REST: variants seen among roughly 807,000 people sequenced by gnomAD.
The protein encoded by REST is RE1-silencing transcription factor.
A neutral mutation model predicts 30.4 loss-of-function variants in REST; 1 was observed. The observed-to-expected ratio is 0.03, with a 90% CI of 0.01 to 0.16. The LOEUF (loss-of-function observed/expected upper bound fraction) is 0.16. Ranked by LOEUF, REST falls within the 10% of genes least tolerant of loss-of-function variation. The probability of loss-of-function intolerance (pLI) is 1.00; values close to 1 mark genes in which losing one functional copy is unlikely to be tolerated. For missense variants in REST, 1,259 were observed against 1,329.5 expected, an observed-to-expected ratio of 0.95 and a Z score of 0.82; for synonymous variants, 504 against 451.1, an observed-to-expected ratio of 1.12 and a Z score of -1.49.
chr4:56,923,514 G>A (rs1275908250), intron 3 of REST, among the ~76,000 whole-genome samples: 1 of 151,968 alleles, frequency 6.6e-6, no homozygotes, highest in Non-Finnish European at 1.5e-5. Flanking sequence ...TGCGATCTCG[G>A]CTCACTGCAA....
intron 2 of REST, among the ~76,000 whole-genome samples, chr4:56,916,796 A>G (rs1197164256): frequency 6.6e-6 from 1 of 152,262 alleles, no homozygotes; most frequent in African/African-American, 2.4e-5. Flanking sequence ...GTGGAATCAT[A>G]ATAAGCAGTC....
At position 56,919,797 on chromosome 4, in the gene REST, A is replaced by G. The variant is rs1720367663; in HGVS notation, c.909A>G (p.Pro303=). Residue 303 remains proline, a synonymous_variant, in exon 3 of 4, where the codon CCA becomes CCG. Transcript: ENST00000309042. ...ATTGAAATTTTGCAGGAGAACGCCC[A>G]TATAAATGTGAACTTTGTCCTTACT... is the stretch of plus-strand genomic sequence containing the variant. ...QHVRTHTGER[P]YKCELCPYSS... 1 of 1,605,196 alleles carries G rather than the reference A, an allele frequency of 6.2e-7. No individual in the cohort carries two copies. The highest frequency in any genetic ancestry group is 8.5e-7 in the Non-Finnish European group (1 of 1,173,420).
chr4:56,923,923 A>G lies in REST; in HGVS notation c.982+4053A>G, dbSNP rs1364689557. ...TTTTTAGTAGAGACGGGGTTTCACC[A>G]TGTTAGCCAGGATAGTCTTGATCTC... On this transcript the variant is annotated intron_variant, in intron 3 of 3. Transcript: ENST00000309042. Among the ~76,000 whole-genome samples the G allele has an allele frequency of 9.9e-5, 15 of 151,544 alleles. No homozygotes were observed. In the East Asian group the frequency reaches 2.6e-3, roughly 26 times the overall value.
rs1343175068 is a variant in REST at position 56,935,149 on chromosome 4, C to G, written c.*2997C>G. The G allele has an allele frequency of 1.3e-5, 2 of 151,986 alleles. No individual in the cohort carries two copies. Among genetic ancestry groups the G allele is most frequent in the Non-Finnish European group, 2.9e-5 (2 of 67,998 alleles). The allele number at this position is 151,986 out of a possible 1,614,324, so 9.4% of individuals were successfully genotyped here. ...TTGGAGACTGTTTTGCGTATGAGTGCTGATACAAATTAAAACCCAAGTAGA... is the reference window on the plus strand; with the variant it reads ...TTGGAGACTGTTTTGCGTATGAGTGGTGATACAAATTAAAACCCAAGTAGA... On this transcript the variant is annotated 3_prime_UTR_variant, in exon 4 of 4. Transcript: ENST00000309042.
chr4:56,917,184 A>G (rs1203825346), intron 2 of REST, among the ~76,000 whole-genome samples: 1 of 152,208 alleles, frequency 6.6e-6, no homozygotes, highest in Non-Finnish European at 1.5e-5. Flanking sequence ...CCATTAACAT[A>G]AAACTATCTT....
At chr4:56,920,116 C>A (rs1327458108) in intron 3 of REST, 1 of 298,466 alleles carries the variant, frequency 3.4e-6, no homozygotes, top group Admixed American at 4.5e-5. Flanking sequence ...CTCATCAAAT[C>A]TTTGAAGCGT....
intron 3 of REST, among the ~76,000 whole-genome samples, chr4:56,928,472 G>GT (rs1720809343): frequency 6.6e-6 from 1 of 151,878 alleles, no homozygotes; most frequent in Admixed American, 6.6e-5. Context: ...TTGGAGTACA[G>GT]TAACACATTC....
At chr4:56,922,718 A>T (rs1277235694) in intron 3 of REST, among the ~76,000 whole-genome samples, 1 of 152,204 alleles carries the variant, frequency 6.6e-6, no homozygotes, top group Non-Finnish European at 1.5e-5. Context: ...CATTGAAAAA[A>T]ATACGACCTT....
chr4:56,931,829 G>A lies in REST; in HGVS notation c.2971G>A (p.Ala991Thr). The A allele has an allele frequency of 6.2e-7, 1 of 1,614,196 alleles. No homozygotes were observed. The highest frequency in any genetic ancestry group is 8.5e-7 in the Non-Finnish European group (1 of 1,180,038). ...TGAAGCAGTGTCCAAAACTGCACTGGCATCACCTCCTGCTACAATGGCAGC... is the reference window on the plus strand; with the variant it reads ...TGAAGCAGTGTCCAAAACTGCACTGACATCACCTCCTGCTACAATGGCAGC... ...EREAVSKTALASPPATMAANE... is the reference protein window; with the variant it reads ...EREAVSKTALTSPPATMAANE... The change falls in exon 4 of 4, where the codon GCA becomes ACA. Residue 991 changes from alanine (A) to threonine (T), a missense_variant. By Grantham distance (58) the Ala-to-Thr change is moderately conservative. Around this residue, in one of 5 missense-constraint regions of REST, gnomAD observed 856 missense variants for 772.8 expected, o/e 1.11. Coordinates refer to ENST00000309042, the MANE Select transcript of REST (RefSeq NM_005612.5).
At chr4:56,910,600 T>C (rs986012771) in intron 1 of REST, 30 bp from the exon 2 acceptor site, 25 of 1,547,346 alleles carry the variant, frequency 1.6e-5, no homozygotes, top group Non-Finnish European at 2.1e-5. Flanking sequence ...TTTAAACTGG[T>C]GCTCTTGTTT....
rs1560451582 is a variant in REST at position 56,930,339 on chromosome 4, A to C, written c.1481A>C (p.Lys494Thr). ...ATCCAGGTGACTACCAGAACTCGAA[A>C]ATCAGTAACAGAGGTGAAAGAGATG... Reference protein sequence around the residue: ...SVIQVTTRTRKSVTEVKEMDV... With the variant: ...SVIQVTTRTRTSVTEVKEMDV... The change falls in exon 4 of 4, where the codon AAA (lysine) becomes ACA (threonine). Residue 494 changes from lysine (K) to threonine (T), a missense_variant. Physicochemically the swap from Lys to Thr is moderately conservative, Grantham distance 78. Around this residue, in one of 5 missense-constraint regions of REST, gnomAD observed 856 missense variants for 772.8 expected, o/e 1.11. Coordinates refer to ENST00000309042, the MANE Select transcript of REST (RefSeq NM_005612.5). The C allele has an allele frequency of 6.2e-7, 1 of 1,614,138 alleles. No homozygotes were observed. Among genetic ancestry groups the C allele is most frequent in the East Asian group, 2.2e-5 (1 of 44,870 alleles).
At chr4:56,927,583 C>T (rs998342506) in intron 3 of REST, 1 of 940,430 alleles carries the variant, frequency 1.1e-6, no homozygotes, top group Non-Finnish European at 1.3e-6. Flanking sequence ...ATGTCAATTT[C>T]CGTTTTTCTA....
At position 56,935,668 on chromosome 4, in the gene REST, A is replaced by G. The variant is rs756575199; in HGVS notation, c.*3516A>G. 8 of 152,242 alleles carry G rather than the reference A, an allele frequency of 5.3e-5. No homozygotes were observed. Among genetic ancestry groups the G allele is most frequent in the Non-Finnish European group, 8.8e-5 (6 of 68,040 alleles). 9.4% of individuals were successfully genotyped at this position (152,242 alleles called of 1,614,324 possible). ...CAGCATTTGATGGAAGATCTTTTAT[A>G]CATTTGTAATAGATAAAAATAAACC... On this transcript the variant is annotated 3_prime_UTR_variant, in exon 4 of 4. Transcript: ENST00000309042.
At chr4:56,920,028 C>A in intron 3 of REST, 158 bp downstream of exon 3, 1 of 414,222 alleles carries the variant, frequency 2.4e-6, no homozygotes, top group Non-Finnish European at 4.2e-6. Flanking sequence ...CTGGGGATTC[C>A]TAACATGGAA....
Position 56,932,334 on chromosome 4 carries a change from A to C in REST, c.*182A>C. The C allele has an allele frequency of 1.6e-6, 1 of 633,424 alleles. No individual in the cohort carries two copies. The highest frequency in any genetic ancestry group is 2.6e-6 in the Non-Finnish European group (1 of 383,286). The allele number at this position is 633,424 out of a possible 1,614,324, so 39.2% of individuals were successfully genotyped here. A position where few individuals can be genotyped will look rare whatever the true frequency, so the allele number is the denominator to read the frequency against. On this transcript the variant is annotated 3_prime_UTR_variant, in exon 4 of 4. Coordinates refer to ENST00000309042, the MANE Select transcript of REST (RefSeq NM_005612.5). The stretch of plus-strand genomic sequence containing the variant: ...GTTGATTGTTGTGTAAATTTTAGTA[A>C]ATCTAAGAGAGTGTACTAAACCAGC...
chr4:56,922,984 A>C (rs1326774205), intron 3 of REST, among the ~76,000 whole-genome samples: 1 of 152,204 alleles, frequency 6.6e-6, no homozygotes, highest in African/African-American at 2.4e-5. Flanking sequence ...CACTGTTTAA[A>C]TGTTTATGGT....
rs781705605 is a variant in REST, at chr4:56,931,803, G to A, written c.2945G>A (p.Arg982His). The A allele has an allele frequency of 2.0e-5, 33 of 1,614,070 alleles. No homozygotes were observed. The highest frequency in any genetic ancestry group is 2.5e-5 in the Non-Finnish European group (30 of 1,180,048). Residue 982 changes from arginine (R) to histidine (H), a missense_variant, in exon 4 of 4, where the codon CGT becomes CAT. By Grantham distance (29) the Arg-to-His change is conservative. Around this residue, in one of 5 missense-constraint regions of REST, gnomAD observed 856 missense variants for 772.8 expected, o/e 1.11. Transcript: ENST00000309042. Reference protein sequence around the residue: ...PMLPPSAVEEREAVSKTALAS... With the variant: ...PMLPPSAVEEHEAVSKTALAS... ...CTTCCCCCTTCAGCAGTAGAAGAAC[G>A]TGAAGCAGTGTCCAAAACTGCACTG... is the stretch of plus-strand genomic sequence containing the variant.
intron 2 of REST, among the ~76,000 whole-genome samples, chr4:56,918,204 A>T (rs1282793240): frequency 6.6e-6 from 1 of 150,820 alleles, no homozygotes; most frequent in East Asian, 2.0e-4. Context: ...TTAAAAATTG[A>T]TGACTGGTTG....
intron 2 of REST, among the ~76,000 whole-genome samples, chr4:56,916,676 A>G (rs1366490450): frequency 6.6e-6 from 1 of 152,170 alleles, no homozygotes; most frequent in Non-Finnish European, 1.5e-5. Flanking sequence ...TTAAAAGTAA[A>G]TTATCTTTGA....
Sources: allele counts gnomAD v4.1 joint callset (sites outside exome capture counted in the v4.1 genomes callset), GRCh38; gene constraint gnomAD v4.1.1; regional missense constraint gnomAD v4.1.1; transcripts MANE v1.5; gene names NCBI Gene and HGNC (gene_info 2026-07-23, HGNC 2026-07-21).